The following AFF3 variants were observed in gnomAD, a reference collection of about 807,000 sequenced individuals.
AFF3 encodes ALF transcription elongation factor 3, also known as AF4/FMR2 family member 3.
A neutral mutation model predicts 129.7 loss-of-function variants in AFF3; 32 were observed. That is an observed-to-expected ratio of 0.25 (90% CI 0.19 to 0.33). The LOEUF (loss-of-function observed/expected upper bound fraction) is 0.33, where lower values mean the gene tolerates loss of function less well. Ranked by LOEUF, AFF3 falls within the 10% of genes least tolerant of loss-of-function variation. AFF3 has a pLI of 1.00. For synonymous variants in AFF3, 644 were observed against 635.4 expected (o/e 1.01, Z -0.20); for missense variants, 1,373 against 1,592.0 (o/e 0.86, Z 2.34).
chr2:99,547,515 T>C lies in AFF3; in HGVS notation c.*3959A>G, dbSNP rs901727605. The C allele has an allele frequency of 1.5e-5, 3 of 205,732 alleles. No homozygotes were observed. Among genetic ancestry groups the C allele is most frequent in the African/African-American group, 6.9e-5 (3 of 43,600 alleles). 12.7% of individuals were successfully genotyped at this position (205,732 alleles called of 1,614,324 possible). ...TCTTGCTTTTTTTTTTTTTTGGTGA[T>C]GCAGATTTCAACAGTAACTCTGGAA... On this transcript the variant is annotated 3_prime_UTR_variant, in exon 25 of 25. Transcript: ENST00000672756.
intron 18 of AFF3, among the ~76,000 whole-genome samples, chr2:99,572,943 G>A (rs545428433): frequency 1.6e-4 from 24 of 152,206 alleles, no homozygotes; most frequent in African/African-American, 5.1e-4. Flanking sequence ...CCCTGGAACC[G>A]GGCTTCTCCC....
intron 11 of AFF3, among the ~76,000 whole-genome samples, chr2:99,696,803 C>G (rs1236379278): frequency 6.6e-6 from 1 of 152,094 alleles, no homozygotes; most frequent in Non-Finnish European, 1.5e-5. Context: ...GCCACCATGC[C>G]CAGCTAATTT....
chr2:99,888,072 T>A (rs1406893393), intron 7 of AFF3, among the ~76,000 whole-genome samples: 1 of 152,220 alleles, frequency 6.6e-6, no homozygotes, highest in East Asian at 1.9e-4. Flanking sequence ...GTCAAAAATT[T>A]GCATCAAATG....
chr2:100,140,837 G>A (rs1692837302), intron 1 of AFF3, among the ~76,000 whole-genome samples: 2 of 152,244 alleles, frequency 1.3e-5, no homozygotes, highest in Admixed American at 6.5e-5. Flanking sequence ...TGTAGCTACA[G>A]TGTAAGGACT....
At position 99,551,233 on chromosome 2, in the gene AFF3, G is replaced by A; in HGVS notation, c.*241C>T. ...ATCACTTTGTCTAGCCTGGGATTAT[G>A]GAAACTAGACAAAGAAGGTGTGTTC... On this transcript the variant is annotated 3_prime_UTR_variant, in exon 25 of 25. Coordinates refer to ENST00000672756, the MANE Select transcript of AFF3 (RefSeq NM_001386135.1). 2 of 573,618 alleles carry A rather than the reference G, an allele frequency of 3.5e-6. No homozygotes were observed. Among genetic ancestry groups the A allele is most frequent in the South Asian group, 5.1e-5 (2 of 39,490 alleles). The allele number at this position is 573,618 out of a possible 1,614,324, so 35.5% of individuals were successfully genotyped here. A position where few individuals can be genotyped will look rare whatever the true frequency, so the allele number is the denominator to read the frequency against.
At chr2:99,690,595 T>C (rs2104656524) in intron 11 of AFF3, among the ~76,000 whole-genome samples, 1 of 152,228 alleles carries the variant, frequency 6.6e-6, no homozygotes, top group East Asian at 1.9e-4. Context: ...AATTGGAAAG[T>C]GCTGAGAATC....
At chr2:99,618,371 G>A (rs1681662029) in intron 13 of AFF3, among the ~76,000 whole-genome samples, 1 of 151,440 alleles carries the variant, frequency 6.6e-6, no homozygotes, top group Non-Finnish European at 1.5e-5. Context: ...GAGTAGCTGG[G>A]ATTACAGACA....
rs371774868 is a variant in AFF3, at chr2:100,006,746, C to T, written c.759G>A (p.Ser253=). The T allele has an allele frequency of 1.1e-4, 183 of 1,614,176 alleles. 1 individual carries two copies. Among genetic ancestry groups the T allele is most frequent in the Middle Eastern group, 6.6e-4 (4 of 6,062 alleles). The change falls in exon 7 of 25, where the codon TCG becomes TCA. Residue 253 remains serine (S), a synonymous_variant. Transcript: ENST00000672756. The stretch of plus-strand genomic sequence containing the variant: ...TGCAGTGCACGCTGGTTTCCGAAGA[C>T]GACTTCAGCTTAGGAGACTCATCAG... ...QAPDESPKLK[S]SSETSVHCTS...
intron 8 of AFF3, among the ~76,000 whole-genome samples, chr2:99,783,385 T>C (rs555348804): frequency 3.3e-5 from 5 of 152,268 alleles, no homozygotes; most frequent in Admixed American, 6.5e-5. Flanking sequence ...GGGTAGACAA[T>C]GCAAACGAGA....
At chr2:100,138,957 A>AAT (rs1692746863) in intron 1 of AFF3, among the ~76,000 whole-genome samples, 2 of 151,394 alleles carry the variant, frequency 1.3e-5, no homozygotes, top group East Asian at 3.9e-4. Flanking sequence ...AAAAAAAAAA[A>AAT]AAAAGACACC....
At chr2:99,722,841 C>A (rs1360521127) in intron 11 of AFF3, among the ~76,000 whole-genome samples, 3 of 152,102 alleles carry the variant, frequency 2.0e-5, no homozygotes, top group African/African-American at 7.2e-5. Context: ...AAACTCTATC[C>A]CCTGACACCT....
At chr2:99,887,095 G>A (rs111495548) in intron 7 of AFF3, among the ~76,000 whole-genome samples, 59 of 152,312 alleles carry the variant, frequency 3.9e-4, no homozygotes, top group African/African-American at 1.3e-3. Flanking sequence ...TCTGCCCTCT[G>A]TTGGGGGCAA....
chr2:99,601,400 G>A (rs763720936), intron 14 of AFF3, 35 bp downstream of exon 14: 3 of 1,549,542 alleles, frequency 1.9e-6, no homozygotes. Context: ...AGACAGAAGT[G>A]GGCAGAGGAG....
chr2:99,968,477 C>T (rs892797912), intron 7 of AFF3, among the ~76,000 whole-genome samples: 1 of 152,192 alleles, frequency 6.6e-6, no homozygotes, highest in African/African-American at 2.4e-5. Context: ...GCTGGGTGTT[C>T]CAAGTGGCTG....
intron 7 of AFF3, among the ~76,000 whole-genome samples, chr2:99,955,489 ATG>A (rs1676556611): frequency 6.6e-6 from 1 of 152,142 alleles, no homozygotes; most frequent in African/African-American, 2.4e-5. Context: ...AAATTTAAAT[ATG>A]TGTGTTATAT....
At chr2:100,114,885 A>C (rs937454619) in intron 2 of AFF3, among the ~76,000 whole-genome samples, 1 of 152,260 alleles carries the variant, frequency 6.6e-6, no homozygotes, top group African/African-American at 2.4e-5. Context: ...GATAATATAC[A>C]CACAGGAAGA....
intron 4 of AFF3, among the ~76,000 whole-genome samples, chr2:100,091,134 TACTA>T (rs1689824786): frequency 6.6e-6 from 1 of 151,916 alleles, no homozygotes; most frequent in Non-Finnish European, 1.5e-5. Context: ...AGCTCTGCCT[TACTA>T]ACTATGGGAC....
intron 11 of AFF3, among the ~76,000 whole-genome samples, chr2:99,722,557 T>A (rs1185736976): frequency 6.6e-6 from 1 of 152,192 alleles, no homozygotes; most frequent in African/African-American, 2.4e-5. Flanking sequence ...CTGAGGCATT[T>A]ACCAAGCCCC....
chr2:100,059,116 G>A (rs903963348), intron 4 of AFF3, among the ~76,000 whole-genome samples: 1 of 151,808 alleles, frequency 6.6e-6, no homozygotes, highest in African/African-American at 2.4e-5. Context: ...AGCCAGGCTT[G>A]GTGGTGGGTG....
Sources: allele counts gnomAD v4.1 joint callset (sites outside exome capture counted in the v4.1 genomes callset), GRCh38; gene constraint gnomAD v4.1.1; transcripts MANE v1.5; gene names NCBI Gene and HGNC (gene_info 2026-07-23, HGNC 2026-07-21).